PCDH15: variants seen among roughly 807,000 people sequenced by gnomAD.
The protein encoded by PCDH15 is protocadherin related 15.
A neutral mutation model predicts 178.5 loss-of-function variants in PCDH15; 129 were observed. That is an observed-to-expected ratio of 0.72 (90% CI 0.63 to 0.84). The LOEUF (loss-of-function observed/expected upper bound fraction) is 0.84. PCDH15 is among the 40% of genes least tolerant of loss of function. PCDH15 has a pLI of 0.00. For missense variants in PCDH15, 2,230 were observed against 2,099.9 expected (o/e 1.06, Z -1.21); for synonymous variants, 800 against 732.0 (o/e 1.09, Z -1.50).
Position 54,305,667 on chromosome 10 carries a change from T to A in PCDH15, c.876+11604A>T, listed in dbSNP as rs114899224. ...GAATATGCAAGAAATTTCCACATAG[T>A]AAACTAATCTGCAGAAAACAAAGTC... On this transcript the variant is annotated intron_variant, in intron 8 of 37. Coordinates refer to ENST00000644397, the MANE Select transcript of PCDH15 (RefSeq NM_001384140.1). 6.4e-3 allele frequency among the ~76,000 whole-genome samples: 968 copies of A among 152,104 alleles called. 8 individuals carry two copies. Among genetic ancestry groups the A allele is most frequent in the African/African-American group, 0.022 (903 of 41,536 alleles).
intron 7 of PCDH15, among the ~76,000 whole-genome samples, chr10:54,320,678 T>C (rs368121203): frequency 2.0e-5 from 3 of 152,046 alleles, no homozygotes; most frequent in East Asian, 1.9e-4. Flanking sequence ...TATGAATTAA[T>C]AGACAAATGA....
At chr10:54,859,015 G>T (rs1308221313) in intron 3 of PCDH15, among the ~76,000 whole-genome samples, 1 of 152,010 alleles carries the variant, frequency 6.6e-6, no homozygotes, top group African/African-American at 2.4e-5. Context: ...TATTAATATG[G>T]TAGTTAAATC....
chr10:54,482,057 T>C (rs1403198804), intron 3 of PCDH15, among the ~76,000 whole-genome samples: 1 of 151,878 alleles, frequency 6.6e-6, no homozygotes, highest in Non-Finnish European at 1.5e-5. Context: ...AGTGTTTTCC[T>C]AGGAAAAACA....
Position 53,940,943 on chromosome 10 carries a change from C to A in PCDH15, c.3155G>T (p.Gly1052Val), listed in dbSNP as rs1338755481. 1.9e-6 allele frequency: 3 copies of A among 1,613,426 alleles called. No individual in the cohort carries two copies. In the East Asian group the frequency reaches 6.7e-5, roughly 36 times the overall value. Reference sequence around the variant, plus strand: ...AGCAGAAATTACACCAACCATGGTCCCTTTGGTGGCAAGTTCACTTACTGG... The same window carrying A: ...AGCAGAAATTACACCAACCATGGTCACTTTGGTGGCAAGTTCACTTACTGG... ...PPPVSELATK[G>V]TMVGVISAAA... The change falls in exon 24 of 38, where the codon GGG (glycine) becomes GTG (valine). Residue 1052 changes from glycine to valine, a missense_variant. By Grantham distance (109) the Gly-to-Val change is moderately radical. Coordinates refer to ENST00000644397, the MANE Select transcript of PCDH15 (RefSeq NM_001384140.1).
At chr10:55,175,010 C>T (rs1224845733) in intron 1 of PCDH15, among the ~76,000 whole-genome samples, 2 of 149,204 alleles carry the variant, frequency 1.3e-5, no homozygotes, top group African/African-American at 4.9e-5. Context: ...AGAAGCAGGC[C>T]GACTTACAAA....
At chr10:54,785,713 A>C (rs912568333) in intron 1 of PCDH15, among the ~76,000 whole-genome samples, 1 of 152,058 alleles carries the variant, frequency 6.6e-6, no homozygotes, top group Non-Finnish European at 1.5e-5. Context: ...GGAAAAAAGC[A>C]TGTAGCACCC....
chr10:54,893,557 G>A lies in PCDH15; in HGVS notation c.-29+3893C>T, dbSNP rs796611154. ...TGCTTGGTTAGTGTGTATGTGTTTC[G>A]GGTGTGGGGGTGCATTTCCATGAGA... On this transcript the variant is annotated intron_variant, in intron 3 of 5. Coordinates refer to the PCDH15 transcript ENST00000458638. Among the ~76,000 whole-genome samples the A allele has an allele frequency of 2.2e-4, 33 of 152,060 alleles. 1 individual carries two copies. The highest frequency in any genetic ancestry group is 7.5e-4 in the African/African-American group (31 of 41,514).
At chr10:54,373,446 G>A (rs1376736912) in intron 4 of PCDH15, among the ~76,000 whole-genome samples, 1 of 151,934 alleles carries the variant, frequency 6.6e-6, no homozygotes, top group Non-Finnish European at 1.5e-5. Flanking sequence ...GCTGGCCAGA[G>A]TTGTCAGTGT....
chr10:54,947,076 G>A (rs540545713), intron 2 of PCDH15, among the ~76,000 whole-genome samples: 1 of 151,790 alleles, frequency 6.6e-6, no homozygotes, highest in Admixed American at 6.6e-5. Context: ...TAGGTTTTAT[G>A]TTTATTTGTT....
chr10:54,530,093 C>G (rs1173106583), intron 2 of PCDH15, among the ~76,000 whole-genome samples: 2 of 151,786 alleles, frequency 1.3e-5, no homozygotes, highest in African/African-American at 4.8e-5. Context: ...ATTTTTGAAC[C>G]TTTTTACAGT....
intron 2 of PCDH15, among the ~76,000 whole-genome samples, chr10:54,900,603 G>A (rs1055529075): frequency 2.6e-5 from 4 of 152,110 alleles, no homozygotes; most frequent in African/African-American, 7.2e-5. Context: ...GACATTAAAA[G>A]CATTGCTATG....
chr10:55,371,696 C>G (rs541727076), intron 2 of PCDH15, among the ~76,000 whole-genome samples: 1 of 152,030 alleles, frequency 6.6e-6, no homozygotes, highest in African/African-American at 2.4e-5. Context: ...CTGAAGCCTC[C>G]CAGCCATGTT....
At chr10:54,431,452 T>C (rs1441682581) in intron 3 of PCDH15, among the ~76,000 whole-genome samples, 1 of 152,178 alleles carries the variant, frequency 6.6e-6, no homozygotes, top group Non-Finnish European at 1.5e-5. Context: ...AATCTCAACA[T>C]ATGCACATCA....
chr10:54,973,367 T>C (rs922116325), intron 2 of PCDH15, among the ~76,000 whole-genome samples: 10 of 152,336 alleles, frequency 6.6e-5, no homozygotes, highest in Non-Finnish European at 1.3e-4. Flanking sequence ...ATATATACCA[T>C]TAGAGATTAA....
intron 3 of PCDH15, among the ~76,000 whole-genome samples, chr10:54,888,411 A>G (rs1465646404): frequency 6.6e-6 from 1 of 151,924 alleles, no homozygotes; most frequent in African/African-American, 2.4e-5. Flanking sequence ...GCACTGATGT[A>G]CTACAATTTA....
intron 2 of PCDH15, among the ~76,000 whole-genome samples, chr10:55,151,866 G>A (rs1466489692): frequency 6.6e-6 from 1 of 152,000 alleles, no homozygotes; most frequent in Non-Finnish European, 1.5e-5. Context: ...GTAAATAGAT[G>A]AGAAGAATAC....
chr10:54,648,490 C>T (rs1286910809), intron 2 of PCDH15, among the ~76,000 whole-genome samples: 1 of 152,090 alleles, frequency 6.6e-6, no homozygotes, highest in East Asian at 1.9e-4. Context: ...ACAGGTAGAA[C>T]AGGGTTGGGC....
At chr10:54,874,985 G>A (rs1326207055) in intron 3 of PCDH15, among the ~76,000 whole-genome samples, 1 of 152,080 alleles carries the variant, frequency 6.6e-6, no homozygotes, top group Non-Finnish European at 1.5e-5. Context: ...TTGATTAAAA[G>A]GCTGGTTTAC....
intron 2 of PCDH15, among the ~76,000 whole-genome samples, chr10:55,330,377 C>T (rs1366050802): frequency 6.6e-6 from 1 of 151,728 alleles, no homozygotes; most frequent in Non-Finnish European, 1.5e-5. Flanking sequence ...ATGTAAAGAA[C>T]ATTGTTGATA....
Sources: allele counts gnomAD v4.1 joint callset (sites outside exome capture counted in the v4.1 genomes callset), GRCh38; gene constraint gnomAD v4.1.1; transcripts MANE v1.5; gene names NCBI Gene and HGNC (gene_info 2026-07-23, HGNC 2026-07-21).